SEMA3A: variants seen among roughly 807,000 people sequenced by gnomAD.
The protein encoded by SEMA3A is semaphorin-3A.
SEMA3A carries 29 observed loss-of-function variants against 97.9 expected under a neutral mutation model. That is an observed-to-expected ratio of 0.30 (90% confidence interval 0.22 to 0.40). The LOEUF (loss-of-function observed/expected upper bound fraction) is 0.40, where lower values mean the gene tolerates loss of function less well. SEMA3A is among the 10% of genes least tolerant of loss of function. SEMA3A has a pLI of 1.00. For missense variants in SEMA3A, 763 were observed against 951.3 expected (o/e 0.80, Z 2.60); for synonymous variants, 321 against 323.7 (o/e 0.99, Z 0.09).
intron 2 of SEMA3A, among the ~76,000 whole-genome samples, chr7:84,334,742 T>C (rs947057241): frequency 2.0e-5 from 3 of 150,530 alleles, no homozygotes; most frequent in East Asian, 2.0e-4. Context: ...CCTCCTGTCT[T>C]GATCCACTTT....
intron 2 of SEMA3A, among the ~76,000 whole-genome samples, chr7:84,338,300 A>G (rs575756176): frequency 1.3e-5 from 2 of 152,036 alleles, no homozygotes; most frequent in Non-Finnish European, 2.9e-5. Context: ...AGATAACTAG[A>G]GTAATGCAAA....
chr7:84,404,711 C>A (rs1163541607), intron 1 of SEMA3A, among the ~76,000 whole-genome samples: 4 of 152,184 alleles, frequency 2.6e-5, no homozygotes. Flanking sequence ...AGAAACTCTA[C>A]AAGCCAGAAG....
At chr7:84,466,472 C>T (rs956036655) in intron 1 of SEMA3A, among the ~76,000 whole-genome samples, 1 of 152,164 alleles carries the variant, frequency 6.6e-6, no homozygotes, top group African/African-American at 2.4e-5. Flanking sequence ...CGCACCCAGC[C>T]TCCAACTAAT....
At position 84,091,140 on chromosome 7, in the gene SEMA3A, G is replaced by A. The variant is rs1223753850; in HGVS notation, c.453+19330C>T. ...AAAGAAAAAGAAAGAAAGAAAGAAG[G>A]AAGGAAGGAAGGAAGGAAGGAAGGA... On this transcript the variant is annotated intron_variant, in intron 4 of 16. Transcript: ENST00000265362. 1.3e-3 allele frequency among the ~76,000 whole-genome samples: 25 copies of A among 19,374 alleles called. 3 individuals are homozygous for A. Among genetic ancestry groups the A allele is most frequent in the South Asian group, 6.2e-3 (4 of 648 alleles). The allele number at this position is 19,374 out of a possible 152,430, so 12.7% of individuals were successfully genotyped here.
intron 1 of SEMA3A, among the ~76,000 whole-genome samples, chr7:84,163,192 C>T (rs1797095513): frequency 6.6e-6 from 1 of 152,086 alleles, no homozygotes; most frequent in Non-Finnish European, 1.5e-5. Context: ...TTCTAAAATC[C>T]AAGCTCTTTC....
At chr7:84,065,790 C>A (rs1262381454) in intron 4 of SEMA3A, among the ~76,000 whole-genome samples, 2 of 151,970 alleles carry the variant, frequency 1.3e-5, no homozygotes, top group African/African-American at 4.8e-5. Context: ...AGCTTACCAA[C>A]CAAAAAGAGT....
chr7:84,047,513 C>T (rs1792401933), intron 5 of SEMA3A, among the ~76,000 whole-genome samples: 1 of 151,982 alleles, frequency 6.6e-6, no homozygotes, highest in Admixed American at 6.6e-5. Flanking sequence ...CTAAACCATA[C>T]CACCTTTCAA....
chr7:84,128,390 C>T (rs946508345), intron 3 of SEMA3A, among the ~76,000 whole-genome samples: 1 of 152,016 alleles, frequency 6.6e-6, no homozygotes, highest in Non-Finnish European at 1.5e-5. Flanking sequence ...GAAATGGAAA[C>T]ATTTCATATC....
At chr7:84,335,438 CCAA>C (rs1339526781) in intron 2 of SEMA3A, among the ~76,000 whole-genome samples, 1 of 152,050 alleles carries the variant, frequency 6.6e-6, no homozygotes, top group Admixed American at 6.6e-5. Flanking sequence ...ATTTATTAGT[CCAA>C]CTAAGAAATT....
intron 1 of SEMA3A, among the ~76,000 whole-genome samples, chr7:84,415,265 T>G (rs566067279): frequency 2.6e-5 from 4 of 152,114 alleles, no homozygotes; most frequent in Non-Finnish European, 5.9e-5. Context: ...TTCATAAATC[T>G]GTTATAAAAT....
chr7:84,280,773 G>T (rs953479454), intron 3 of SEMA3A, among the ~76,000 whole-genome samples: 3 of 151,570 alleles, frequency 2.0e-5, no homozygotes, highest in African/African-American at 7.3e-5. Context: ...AGTGAGACTC[G>T]GTGTCAAAAA....
intron 12 of SEMA3A, 123 bp from the exon 13 acceptor site, chr7:83,985,600 G>C (rs189694913): frequency 4.7e-5 from 35 of 749,330 alleles, no homozygotes; most frequent in Admixed American, 3.3e-4. Context: ...AAGAAGCAAT[G>C]TGACTGGGAA....
At chr7:84,014,041 T>G (rs1454712866) in intron 7 of SEMA3A, among the ~76,000 whole-genome samples, 168 bp downstream of exon 7, 2 of 152,282 alleles carry the variant, frequency 1.3e-5, no homozygotes, top group Admixed American at 6.5e-5. Flanking sequence ...CTGCGAAGAG[T>G]TACTCATAAC....
At chr7:84,119,169 TA>T (rs1344439076) in intron 3 of SEMA3A, among the ~76,000 whole-genome samples, 13 of 152,134 alleles carry the variant, frequency 8.5e-5, no homozygotes, top group African/African-American at 2.7e-4. Flanking sequence ...AGCACAATAC[TA>T]AAAAAACTAT....
At chr7:84,040,025 T>C (rs1364630295) in intron 6 of SEMA3A, among the ~76,000 whole-genome samples, 1 of 152,032 alleles carries the variant, frequency 6.6e-6, no homozygotes, top group Non-Finnish European at 1.5e-5. Context: ...TTTATCAACA[T>C]GGAAAGGCAG....
chr7:84,441,173 TAAAATA>T (rs1334622355), intron 1 of SEMA3A, among the ~76,000 whole-genome samples: 7 of 149,866 alleles, frequency 4.7e-5, no homozygotes, highest in Admixed American at 2.7e-4. Flanking sequence ...AAAAATAAAA[TAAAATA>T]AAAATAAAAA....
chr7:84,345,171 C>T (rs1802267018), intron 2 of SEMA3A, among the ~76,000 whole-genome samples: 1 of 152,128 alleles, frequency 6.6e-6, no homozygotes. Flanking sequence ...TTACACTATA[C>T]TGTAGTCTAT....
chr7:84,391,380 C>T lies in SEMA3A; in HGVS notation c.-245-19480G>A, dbSNP rs912490712. On this transcript the variant is annotated intron_variant, in intron 1 of 3. Coordinates refer to the SEMA3A transcript ENST00000424555. ...AACATATGTGGAAATCCCTGAGCCTCCATGCTTGCATCAATGTGAAGAGGG... is the reference window on the plus strand; with the variant it reads ...AACATATGTGGAAATCCCTGAGCCTTCATGCTTGCATCAATGTGAAGAGGG... 3.3e-5 allele frequency among the ~76,000 whole-genome samples: 5 copies of T among 152,210 alleles called. No individual in the cohort carries two copies. In the South Asian group the frequency reaches 1.0e-3, roughly 32 times the overall value.
chr7:84,081,096 T>C (rs1794135443), intron 4 of SEMA3A, among the ~76,000 whole-genome samples: 1 of 152,026 alleles, frequency 6.6e-6, no homozygotes, highest in South Asian at 2.1e-4. Context: ...ACATGATTCA[T>C]ATATATATAT....
Sources: allele counts gnomAD v4.1 joint callset (sites outside exome capture counted in the v4.1 genomes callset), GRCh38; gene constraint gnomAD v4.1.1; transcripts MANE v1.5; gene names NCBI Gene and HGNC (gene_info 2026-07-23, HGNC 2026-07-21).